Variants in ALG3 observed in about 807,000 individuals in gnomAD.
ALG3 encodes dol-P-Man:Man(5)GlcNAc(2)-PP-Dol alpha-1,3-mannosyltransferase.
ALG3 carries 39 observed loss-of-function variants against 50.5 expected under a neutral mutation model. The observed-to-expected ratio is 0.77, with a 90% CI of 0.60 to 1.01. The LOEUF is 1.01. Among genes scored for constraint, ALG3 ranks in the 50% least tolerant of loss-of-function variants. The pLI, the probability that ALG3 is intolerant of heterozygous loss-of-function variation, is 0.00. For missense variants in ALG3, 520 were observed against 554.8 expected (o/e 0.94, Z 0.63); for synonymous variants, 252 against 237.2 (o/e 1.06, Z -0.58).
At chr3:184,242,766 G>A in intron 8 of ALG3, 47 bp downstream of exon 8, 1 of 1,605,252 alleles carries the variant, frequency 6.2e-7, no homozygotes, top group Admixed American at 1.7e-5. Flanking sequence ...ACCCCCAACA[G>A]GAACTCCCTA....
At chr3:184,243,070 C>T (rs1157543181) in intron 7 of ALG3, 113 bp from the exon 8 acceptor site, 1 of 1,445,094 alleles carries the variant, frequency 6.9e-7, no homozygotes, top group Admixed American at 2.0e-5. Flanking sequence ...TTCCTTGATG[C>T]ATGCCTTTGG....
intron 7 of ALG3, 38 bp from the exon 8 acceptor site, chr3:184,242,995 G>T (rs371542916): frequency 3.7e-5 from 60 of 1,606,772 alleles, no homozygotes; most frequent in Admixed American, 2.5e-4. Context: ...GAGTGTGTGT[G>T]GGGGGGACTA....
chr3:184,248,133 C>T (rs1032806031), intron 1 of ALG3, among the ~76,000 whole-genome samples: 2 of 151,904 alleles, frequency 1.3e-5, no homozygotes, highest in East Asian at 1.9e-4. Context: ...GGATTACAGG[C>T]GTGAGCCACC....
intron 1 of ALG3, among the ~76,000 whole-genome samples, chr3:184,247,123 T>TG (rs1719195534): frequency 6.6e-6 from 1 of 151,646 alleles, no homozygotes; most frequent in Non-Finnish European, 1.5e-5. Context: ...AGGCTGGTGT[T>TG]GAACTCCTGA....
In ALG3 at chr3:184,243,610, G is replaced by A. The variant is rs756802179; in HGVS notation, c.953C>T (p.Ser318Leu). The change falls in exon 7 of 9, where the codon TCG (serine) becomes TTG (leucine). Residue 318 changes from serine (S) to leucine (L), a missense_variant. This residue lies in a region of ALG3 where 224 missense variants were observed against 272.8 expected (regional missense o/e 0.82). Coordinates refer to ENST00000397676, the MANE Select transcript of ALG3 (RefSeq NM_005787.6). Reference sequence around the variant, plus strand: ...CCTTTTGGAGGGATCCCTCAGCAGCGACAAGATACTTTCCCCTGTCCTGGA... The same window carrying A: ...CCTTTTGGAGGGATCCCTCAGCAGCAACAAGATACTTTCCCCTGTCCTGGA... The part of the protein sequence containing the change: ...RWHRTGESIL[S>L]LLRDPSKRKV... The A allele has an allele frequency of 7.4e-6, 12 of 1,613,756 alleles. No homozygotes were observed. Among genetic ancestry groups the A allele is most frequent in the Admixed American group, 3.3e-5 (2 of 59,980 alleles).
intron 1 of ALG3, among the ~76,000 whole-genome samples, chr3:184,247,575 G>C (rs1365840775): frequency 6.6e-6 from 1 of 152,240 alleles, no homozygotes; most frequent in African/African-American, 2.4e-5. Flanking sequence ...TGGGATTACA[G>C]GCGTGTGCCG....
rs1369856877 is a variant in ALG3 at position 184,245,339 on chromosome 3, A to G, written c.464T>C (p.Phe155Ser). The G allele has an allele frequency of 1.9e-6, 3 of 1,612,676 alleles. No individual in the cohort carries two copies. Among genetic ancestry groups the G allele is most frequent in the Non-Finnish European group, 2.5e-6 (3 of 1,179,332 alleles). Residue 155 changes from phenylalanine (F) to serine (S), a missense_variant, in exon 4 of 9, where the codon TTC (phenylalanine) becomes TCC (serine). Coordinates refer to ENST00000397676, the MANE Select transcript of ALG3 (RefSeq NM_005787.6). The part of the protein sequence containing the change: ...QTCKVPPFVF[F>S]FMCCASYRVH... ...ACGGTAAGAGGCGCAGCACATGAAG[A>G]AAAAGACGAAGGGAGGTACCTAAAG...
At position 184,242,413 on chromosome 3, in the gene ALG3, T is replaced by A. The variant is rs778937675; in HGVS notation, c.*101A>T. 23 of 1,418,202 alleles carry A rather than the reference T, an allele frequency of 1.6e-5. 1 individual carries two copies. The South Asian group carries it at 2.5e-4, about 15-fold the overall frequency. 87.9% of individuals were successfully genotyped at this position (1,418,202 alleles called of 1,614,324 possible). On this transcript the variant is annotated 3_prime_UTR_variant, in exon 9 of 9. Coordinates refer to ENST00000397676, the MANE Select transcript of ALG3 (RefSeq NM_005787.6). The stretch of plus-strand genomic sequence containing the variant: ...TCGGCTGCCCCCACCTCCATGTAGG[T>A]TGCACAGAGTTGGACTTAGCAAGGT...
chr3:184,242,497 AG>A lies in ALG3; in HGVS notation c.*16del, dbSNP rs1232328980. The A allele has an allele frequency of 3.7e-6, 6 of 1,611,492 alleles. No homozygotes were observed. The highest frequency in any genetic ancestry group is 5.1e-6 in the Non-Finnish European group (6 of 1,178,978). The stretch of plus-strand genomic sequence containing the variant: ...GTCCTGAGGGTAGACTCAGGTCCTG[AG>A]GGAAAGGGGTGGACTTCAGTGGGCT... On this transcript the variant is annotated 3_prime_UTR_variant, in exon 9 of 9. Coordinates refer to ENST00000397676, the MANE Select transcript of ALG3 (RefSeq NM_005787.6).
intron 1 of ALG3, among the ~76,000 whole-genome samples, chr3:184,248,135 T>G (rs1472994080): frequency 1.3e-5 from 2 of 151,918 alleles, no homozygotes; most frequent in Non-Finnish European, 2.9e-5. Flanking sequence ...ATTACAGGCG[T>G]GAGCCACCGC....
Position 184,248,732 on chromosome 3 carries a change from T to G in ALG3, c.196+13A>C. 5 of 469,224 alleles carry G rather than the reference T, an allele frequency of 1.1e-5. No homozygotes were observed. The highest frequency in any genetic ancestry group is 1.9e-5 in the Non-Finnish European group (5 of 257,910). The allele number at this position is 469,224 out of a possible 1,614,324, so 29.1% of individuals were successfully genotyped here. ...CTCCCTCCCTCCCCTCCCCTCCCCC[T>G]CGGCGCACTCACATGCCACCCTGTG... On this transcript the variant is annotated intron_variant, in intron 1 of 8. Transcript: ENST00000397676.
In ALG3 at chr3:184,242,953, G is replaced by C. The variant is rs370373115; in HGVS notation, c.1014C>G (p.Ile338Met). 1.4e-5 allele frequency: 23 copies of C among 1,613,190 alleles called. No homozygotes were observed. Among genetic ancestry groups the C allele is most frequent in the Non-Finnish European group, 1.8e-5 (21 of 1,179,784 alleles). ...AGTTGGAGGTGAAGAGGGTAGAAAC[G>C]ATCTGTATGCGGTGGTCAAGGCCAA... The part of the protein sequence containing the change: ...VPPQPLTPNQ[I>M]VSTLFTSNFI... The change falls in exon 8 of 9, where the codon ATC becomes ATG. Residue 338 changes from isoleucine (I) to methionine (M), a missense_variant. Ile to Met is a conservative substitution (Grantham distance 10, BLOSUM62 1). Coordinates refer to ENST00000397676, the MANE Select transcript of ALG3 (RefSeq NM_005787.6).
intron 6 of ALG3, 36 bp downstream of exon 6, chr3:184,243,752 TCCC>T (rs1456453462): frequency 1.3e-6 from 2 of 1,597,750 alleles, no homozygotes; most frequent in Non-Finnish European, 1.7e-6. Flanking sequence ...CTTCACTCCT[TCCC>T]CCAACTCTGC....
At position 184,244,997 on chromosome 3, in the gene ALG3, G is replaced by A. The variant is rs376940579; in HGVS notation, c.605+201C>T. 88 of 809,058 alleles carry A rather than the reference G, an allele frequency of 1.1e-4. 1 individual carries two copies. Among genetic ancestry groups the A allele is most frequent in the East Asian group, 6.4e-4 (24 of 37,528 alleles). The allele number at this position is 809,058 out of a possible 1,614,324, so 50.1% of individuals were successfully genotyped here. A position where few individuals can be genotyped will look rare whatever the true frequency, so the allele number is the denominator to read the frequency against. ...TTCCAACAAGGAATGCTGTCTGGGAGGAAGACAGGATGGAAAGAGGGCATG... is the reference window on the plus strand; with the variant it reads ...TTCCAACAAGGAATGCTGTCTGGGAAGAAGACAGGATGGAAAGAGGGCATG... On this transcript the variant is annotated intron_variant, in intron 4 of 8. Transcript: ENST00000397676.
chr3:184,243,069 G>T, intron 7 of ALG3, 112 bp from the exon 8 acceptor site: 2 of 1,444,028 alleles, frequency 1.4e-6, no homozygotes, highest in South Asian at 1.3e-5. Flanking sequence ...ATTCCTTGAT[G>T]CATGCCTTTG....
intron 4 of ALG3, 95 bp from the exon 5 acceptor site, chr3:184,244,816 T>G: frequency 6.9e-7 from 1 of 1,447,884 alleles, no homozygotes; most frequent in Non-Finnish European, 9.2e-7. Flanking sequence ...CACAGCAACC[T>G]CCCCCCCGCC....
intron 4 of ALG3, chr3:184,244,951 A>G (rs1719048237): frequency 2.7e-6 from 2 of 738,440 alleles, no homozygotes; most frequent in Non-Finnish European, 4.5e-6. Flanking sequence ...TATACTGAGT[A>G]TTTAGAATGT....
intron 5 of ALG3, chr3:184,244,275 G>A: frequency 1.9e-6 from 1 of 535,998 alleles, no homozygotes. Flanking sequence ...CAGGCAGGGT[G>A]GCTCATGCCC....
rs1050878252 is a variant in ALG3 at position 184,248,881 on chromosome 3, G to C, written c.60C>G (p.Leu20=). The C allele has an allele frequency of 6.2e-7, 1 of 1,605,724 alleles. No homozygotes were observed. The highest frequency in any genetic ancestry group is 1.7e-5 in the Admixed American group (1 of 59,162). The change falls in exon 1 of 9, where the codon CTC becomes CTG. Residue 20 remains leucine (L), a synonymous_variant. Coordinates refer to ENST00000397676, the MANE Select transcript of ALG3 (RefSeq NM_005787.6). The part of the protein sequence containing the change: ...RSGSAAQAEG[L]CKQWLQRAWQ... The stretch of plus-strand genomic sequence containing the variant: ...AGGCGCGCTGCAGCCATTGCTTGCA[G>C]AGTCCCTCTGCCTGGGCCGCGGAAC...
Sources: allele counts gnomAD v4.1 joint callset (sites outside exome capture counted in the v4.1 genomes callset), GRCh38; gene constraint gnomAD v4.1.1; regional missense constraint gnomAD v4.1.1; transcripts MANE v1.5; gene names NCBI Gene and HGNC (gene_info 2026-07-23, HGNC 2026-07-21).